The following IGF1 variants were observed in gnomAD, a reference collection of about 807,000 sequenced individuals.
IGF1 encodes insulin like growth factor 1.
IGF1 carries 4 observed loss-of-function variants against 13.8 expected under a neutral mutation model. That is an observed-to-expected ratio of 0.29 (90% CI 0.14 to 0.66). The LOEUF is 0.66. Among genes scored for constraint, IGF1 ranks in the 30% least tolerant of loss-of-function variants. IGF1 has a pLI of 0.78. For synonymous variants in IGF1, 76 were observed against 72.6 expected, an observed-to-expected ratio of 1.05 and a Z score of -0.23; for missense variants, 124 against 188.5, an observed-to-expected ratio of 0.66 and a Z score of 2.00.
intron 2 of IGF1, among the ~76,000 whole-genome samples, chr12:102,466,351 C>G (rs1290386278): frequency 6.6e-6 from 1 of 152,098 alleles, no homozygotes; most frequent in South Asian, 2.1e-4. Context: ...AATCTCGACT[C>G]GGGGGTGATT....
At chr12:102,408,817 C>T (rs1166122154) in intron 3 of IGF1, among the ~76,000 whole-genome samples, 2 of 152,138 alleles carry the variant, frequency 1.3e-5, no homozygotes, top group African/African-American at 4.8e-5. Flanking sequence ...GACCATAGAC[C>T]CACCAAAAAT....
At chr12:102,466,622 C>G (rs1391810173) in intron 2 of IGF1, among the ~76,000 whole-genome samples, 1 of 152,154 alleles carries the variant, frequency 6.6e-6, no homozygotes, top group African/African-American at 2.4e-5. Flanking sequence ...TTAAAACAGT[C>G]TGGGCATAGT....
At chr12:102,468,522 A>G (rs1042874985) in intron 2 of IGF1, among the ~76,000 whole-genome samples, 3 of 152,268 alleles carry the variant, frequency 2.0e-5, no homozygotes, top group African/African-American at 4.8e-5. Context: ...TTAAATAGGC[A>G]TACAACTTAC....
At chr12:102,408,530 GAC>G (rs973394687) in intron 3 of IGF1, among the ~76,000 whole-genome samples, 12 of 152,146 alleles carry the variant, frequency 7.9e-5, no homozygotes, top group African/African-American at 2.9e-4. Context: ...GTACTTACTG[GAC>G]ACAGTTTTGG....
chr12:102,419,006 A>T (rs1217820912), intron 3 of IGF1, among the ~76,000 whole-genome samples: 1 of 152,250 alleles, frequency 6.6e-6, no homozygotes, highest in Non-Finnish European at 1.5e-5. Context: ...AGAACTTGAA[A>T]GGTTACAAGC....
chr12:102,420,667 TTGAG>T (rs1442614902), intron 2 of IGF1, among the ~76,000 whole-genome samples: 2 of 152,166 alleles, frequency 1.3e-5, no homozygotes, highest in East Asian at 3.9e-4. Flanking sequence ...CTATTTCTTA[TTGAG>T]TAACTGCCAA....
chr12:102,409,550 A>G (rs1454851887), intron 3 of IGF1, among the ~76,000 whole-genome samples: 2 of 152,210 alleles, frequency 1.3e-5, no homozygotes, highest in African/African-American at 2.4e-5. Flanking sequence ...CTCTACAAGG[A>G]CAAATAGCAC....
chr12:102,451,138 T>C (rs919758871), intron 2 of IGF1, among the ~76,000 whole-genome samples: 2 of 152,248 alleles, frequency 1.3e-5, no homozygotes, highest in African/African-American at 4.8e-5. Context: ...AGAATGGTTC[T>C]GCACACCTAG....
intron 3 of IGF1, 124 bp downstream of exon 3, chr12:102,419,385 G>T: frequency 1.1e-6 from 1 of 905,760 alleles, no homozygotes; most frequent in Non-Finnish European, 1.7e-6. Flanking sequence ...CATCCCTTTG[G>T]TGCAAAGGAG....
At chr12:102,408,471 C>T (rs529312532) in intron 3 of IGF1, among the ~76,000 whole-genome samples, 5 of 152,244 alleles carry the variant, frequency 3.3e-5, no homozygotes, top group South Asian at 2.1e-4. Flanking sequence ...TTTTGAGAAA[C>T]GTGTACTCCT....
At chr12:102,444,119 G>T (rs1448742411) in intron 2 of IGF1, among the ~76,000 whole-genome samples, 1 of 152,002 alleles carries the variant, frequency 6.6e-6, no homozygotes, top group Non-Finnish European at 1.5e-5. Flanking sequence ...GAGCCACCAC[G>T]CCCGGCTGAA....
intron 2 of IGF1, among the ~76,000 whole-genome samples, chr12:102,472,949 A>C (rs1014057552): frequency 3.9e-5 from 6 of 152,226 alleles, no homozygotes; most frequent in Admixed American, 3.9e-4. Flanking sequence ...TATTGTCCAC[A>C]GTACTTGACA....
At chr12:102,408,756 T>C (rs1874384725) in intron 3 of IGF1, among the ~76,000 whole-genome samples, 1 of 152,158 alleles carries the variant, frequency 6.6e-6, no homozygotes, top group Admixed American at 6.5e-5. Flanking sequence ...GCAACTGTAT[T>C]GCCCAACTTT....
At chr12:102,455,829 C>T (rs1423116916) in intron 2 of IGF1, among the ~76,000 whole-genome samples, 1 of 152,174 alleles carries the variant, frequency 6.6e-6, no homozygotes, top group Non-Finnish European at 1.5e-5. Context: ...TGCCATTTCT[C>T]TCTCTGGCCC....
rs1211431440 is a variant in IGF1 at position 102,417,764 on chromosome 12, C to T, written c.402+1745G>A. On this transcript the variant is annotated intron_variant, in intron 3 of 3. Transcript: ENST00000337514. ...TTGTATTTTCTGCTTTTCATTCTTG[C>T]TGTCTGCTCCTCTCTCATCATCCTT... The T allele has an allele frequency of 2.5e-6, 4 of 1,604,426 alleles. No individual in the cohort carries two copies. In the African/African-American group the frequency reaches 5.4e-5, roughly 22 times the overall value.
intron 2 of IGF1, among the ~76,000 whole-genome samples, chr12:102,451,950 C>T (rs1380809610): frequency 6.6e-6 from 1 of 152,112 alleles, no homozygotes; most frequent in Non-Finnish European, 1.5e-5. Context: ...CACACTCTCT[C>T]ACCTGCCACC....
At position 102,396,208 on chromosome 12, in the gene IGF1, T is replaced by C. The variant is rs1488920004; in HGVS notation, c.*6299A>G. On this transcript the variant is annotated 3_prime_UTR_variant, in exon 4 of 4. Coordinates refer to ENST00000337514, the MANE Select transcript of IGF1 (RefSeq NM_000618.5). ...AAGTTTATTTATCACACTTGGCCTATAAGTGTGATAAAAATACATGAGGCA... is the reference window on the plus strand; with the variant it reads ...AAGTTTATTTATCACACTTGGCCTACAAGTGTGATAAAAATACATGAGGCA... The C allele has an allele frequency of 2.0e-5, 3 of 152,232 alleles. No individual in the cohort carries two copies. The highest frequency in any genetic ancestry group is 4.4e-5 in the Non-Finnish European group (3 of 68,034). The allele number at this position is 152,232 out of a possible 1,614,324, so 9.4% of individuals were successfully genotyped here. A position where few individuals can be genotyped will look rare whatever the true frequency, so the allele number is the denominator to read the frequency against.
upstream of IGF1, chr12:102,481,629 C>T (rs1281109822): frequency 6.6e-6 from 1 of 151,984 alleles, no homozygotes; most frequent in Non-Finnish European, 1.5e-5. Context: ...TACCTATTTC[C>T]CTTTGGTTTT....
intron 3 of IGF1, among the ~76,000 whole-genome samples, chr12:102,409,493 G>A (rs1874449478): frequency 6.6e-6 from 1 of 152,198 alleles, no homozygotes; most frequent in Admixed American, 6.5e-5. Context: ...TGGAGTTCAG[G>A]TCAACAGCAA....
Sources: gnomAD v4.1 joint callset for allele counts (sites outside exome capture counted in the v4.1 genomes callset) on GRCh38, gnomAD v4.1.1 for gene constraint, MANE v1.5 for transcripts, NCBI Gene and HGNC (gene_info 2026-07-23, HGNC 2026-07-21) for gene names.